ARGFX: variants seen among roughly 807,000 people sequenced by gnomAD.
ARGFX encodes arginine-fifty homeobox.
Under a neutral mutation model 8.0 loss-of-function variants are expected in ARGFX, and 10 were observed. The observed-to-expected ratio is 1.25, with a 90% CI of 0.77 to 2.12. The LOEUF (loss-of-function observed/expected upper bound fraction) is 2.12. Among genes scored for constraint, ARGFX ranks in the 30% most tolerant of loss-of-function variants. The pLI is 0.00. For missense variants in ARGFX, 282 were observed against 324.3 expected (o/e 0.87, Z 1.00); for synonymous variants, 116 against 117.8 (o/e 0.98, Z 0.10).
Position 121,586,332 on chromosome 3 carries a change from T to C in ARGFX, c.680T>C (p.Ile227Thr), listed in dbSNP as rs981738715. ...GCTTTGTACTCTGATGCCTATGACATATTCCAAATCATAGAACTGTACAAT... is the reference window on the plus strand; with the variant it reads ...GCTTTGTACTCTGATGCCTATGACACATTCCAAATCATAGAACTGTACAAT... ...VPALYSDAYD[I>T]FQIIELYNLP... Residue 227 changes from isoleucine (I) to threonine (T), a missense_variant, in exon 5 of 5, where the codon ATA (isoleucine) becomes ACA (threonine). Physicochemically the swap from Ile to Thr is moderately conservative, Grantham distance 89. Transcript: ENST00000334384. 9.3e-6 allele frequency: 15 copies of C among 1,614,218 alleles called. No homozygotes were observed. The highest frequency in any genetic ancestry group is 2.2e-5 in the East Asian group (1 of 44,888).
chr3:121,568,089 G>A (rs1485536035), intron 1 of ARGFX, among the ~76,000 whole-genome samples, 76 bp downstream of exon 1: 1 of 152,020 alleles, frequency 6.6e-6, no homozygotes, highest in Non-Finnish European at 1.5e-5. Flanking sequence ...AAAATCAAAG[G>A]AGCAATATTA....
chr3:121,570,957 G>T lies in ARGFX; in HGVS notation c.103+141G>T, dbSNP rs568820336. ...TTCAAAAAGTCTTCCCATCATAAAA[G>T]GAGAAATACATTTCAAATCAAATGG... On this transcript the variant is annotated intron_variant, in intron 2 of 4. Transcript: ENST00000334384. 44 of 563,832 alleles carry T rather than the reference G, an allele frequency of 7.8e-5. No individual in the cohort carries two copies. The East Asian group carries it at 1.4e-3, about 18-fold the overall frequency. 34.9% of individuals were successfully genotyped at this position (563,832 alleles called of 1,614,324 possible).
At chr3:121,575,358 G>C (rs1301658924) in intron 2 of ARGFX, among the ~76,000 whole-genome samples, 3 of 152,052 alleles carry the variant, frequency 2.0e-5, no homozygotes, top group Non-Finnish European at 2.9e-5. Context: ...CTACAAGCCA[G>C]CTGGCCATTT....
In ARGFX at chr3:121,576,769, C is replaced by CT; in HGVS notation, c.104-8dup. 3.3e-6 allele frequency: 1 copy of CT among 298,672 alleles called. No individual in the cohort carries two copies. The highest frequency in any genetic ancestry group is 6.5e-6 in the Non-Finnish European group (1 of 153,762). The allele number at this position is 298,672 out of a possible 1,614,324, so 18.5% of individuals were successfully genotyped here. A position where few individuals can be genotyped will look rare whatever the true frequency, so the allele number is the denominator to read the frequency against. On this transcript the variant is annotated splice_polypyrimidine_tract_variant and intron_variant, in intron 2 of 4. Transcript: ENST00000334384. ...TTTTTCTCTTTCTTTCTTTCCTTTT[C>CT]TTTTTTTGAGACAGGTTTCACTCTG... is the stretch of plus-strand genomic sequence containing the variant.
At chr3:121,580,091 T>A (rs2048769229) in intron 3 of ARGFX, among the ~76,000 whole-genome samples, 1 of 151,654 alleles carries the variant, frequency 6.6e-6, no homozygotes, top group Admixed American at 6.6e-5. Flanking sequence ...TAGCTGGGAA[T>A]ACAGGTGCGT....
chr3:121,575,796 T>C (rs1011640364), intron 2 of ARGFX, among the ~76,000 whole-genome samples: 8 of 152,054 alleles, frequency 5.3e-5, no homozygotes, highest in Admixed American at 6.6e-5. Context: ...GCCTGTAGTC[T>C]CAGCTACTTG....
chr3:121,568,150 G>A (rs1560118007), intron 1 of ARGFX, among the ~76,000 whole-genome samples, 137 bp downstream of exon 1: 1 of 152,132 alleles, frequency 6.6e-6, no homozygotes, highest in Non-Finnish European at 1.5e-5. Context: ...TGATATAGAT[G>A]GTTGGGGACA....
Position 121,586,360 on chromosome 3 carries a change from T to G in ARGFX, c.708T>G (p.Leu236=), listed in dbSNP as rs1425119995. 1 of 1,614,094 alleles carries G rather than the reference T, an allele frequency of 6.2e-7. No individual in the cohort carries two copies. Among genetic ancestry groups the G allele is most frequent in the Non-Finnish European group, 8.5e-7 (1 of 1,180,038 alleles). The change falls in exon 5 of 5, where the codon CTT becomes CTG. Residue 236 remains leucine (L), a synonymous_variant. Coordinates refer to ENST00000334384, the MANE Select transcript of ARGFX (RefSeq NM_001012659.2). ...TCCAAATCATAGAACTGTACAATCT[T>G]CCTGATGAGAATGAGATATCCAGCT... ...DIFQIIELYN[L]PDENEISSSS...
chr3:121,568,275 T>C (rs2048685358), intron 1 of ARGFX, among the ~76,000 whole-genome samples: 1 of 152,182 alleles, frequency 6.6e-6, no homozygotes, highest in African/African-American at 2.4e-5. Flanking sequence ...ACTTTCTCCA[T>C]CTGTGTTAGC....
intron 1 of ARGFX, among the ~76,000 whole-genome samples, chr3:121,568,537 G>A (rs2048687071): frequency 6.6e-6 from 1 of 152,176 alleles, no homozygotes; most frequent in African/African-American, 2.4e-5. Flanking sequence ...GCTAGTTTAA[G>A]CTACAGACTC....
intron 3 of ARGFX, among the ~76,000 whole-genome samples, chr3:121,579,508 C>T (rs751590944): frequency 6.6e-5 from 10 of 152,172 alleles, no homozygotes; most frequent in Non-Finnish European, 1.3e-4. Flanking sequence ...GTCCTTGATA[C>T]CACAGGACCA....
At chr3:121,579,935 CTTTTCTTTTCTT>C (rs377446963) in intron 3 of ARGFX, among the ~76,000 whole-genome samples, 1 of 54,244 alleles carries the variant, frequency 1.8e-5, no homozygotes, top group Non-Finnish European at 3.7e-5. Flanking sequence ...TTTTTCTTTT[CTTTTCTTTTCTT>C]TTTTTTTTTT....
At chr3:121,579,302 A>G (rs2048763283) in intron 3 of ARGFX, among the ~76,000 whole-genome samples, 1 of 152,234 alleles carries the variant, frequency 6.6e-6, no homozygotes. Context: ...CACAAAGTAT[A>G]TCCTGGTTCC....
chr3:121,576,304 A>G (rs1327208035), intron 2 of ARGFX, among the ~76,000 whole-genome samples: 1 of 152,128 alleles, frequency 6.6e-6, no homozygotes, highest in Non-Finnish European at 1.5e-5. Flanking sequence ...TGGATGGTCC[A>G]GTGGCTAAAG....
rs995783079 is a variant in ARGFX at position 121,587,591 on chromosome 3, G to C, written c.*991G>C. Among the ~76,000 whole-genome samples, 8 of 152,178 alleles carry C rather than the reference G, an allele frequency of 5.3e-5. No homozygotes were observed. Among genetic ancestry groups the C allele is most frequent in the African/African-American group, 1.9e-4 (8 of 41,452 alleles). On this transcript the variant is annotated 3_prime_UTR_variant, in exon 5 of 5. Coordinates refer to ENST00000334384, the MANE Select transcript of ARGFX (RefSeq NM_001012659.2). Reference sequence around the variant, plus strand: ...ATTTTAGTATATGTGTTGTGGAAGTGAGTACACTATCATCCACTTTTAATG... The same window carrying C: ...ATTTTAGTATATGTGTTGTGGAAGTCAGTACACTATCATCCACTTTTAATG...
At position 121,587,598 on chromosome 3, in the gene ARGFX, C is replaced by A. The variant is rs1206692271; in HGVS notation, c.*998C>A. 1.3e-5 allele frequency among the ~76,000 whole-genome samples: 2 copies of A among 152,168 alleles called. No individual in the cohort carries two copies. The highest frequency in any genetic ancestry group is 2.4e-5 in the African/African-American group (1 of 41,438). On this transcript the variant is annotated 3_prime_UTR_variant, in exon 5 of 5. Coordinates refer to ENST00000334384, the MANE Select transcript of ARGFX (RefSeq NM_001012659.2). Reference sequence around the variant, plus strand: ...TATATGTGTTGTGGAAGTGAGTACACTATCATCCACTTTTAATGACAGAAA... The same window carrying A: ...TATATGTGTTGTGGAAGTGAGTACAATATCATCCACTTTTAATGACAGAAA...
intron 1 of ARGFX, among the ~76,000 whole-genome samples, chr3:121,568,711 G>A (rs915078974): frequency 2.0e-5 from 3 of 152,196 alleles, no homozygotes; most frequent in African/African-American, 7.2e-5. Context: ...ATTACCCCAT[G>A]TGTTTGTCGA....
intron 3 of ARGFX, among the ~76,000 whole-genome samples, chr3:121,582,295 T>G (rs1394264084): frequency 1.3e-5 from 2 of 152,104 alleles, no homozygotes; most frequent in Non-Finnish European, 2.9e-5. Flanking sequence ...TCCAGAAATA[T>G]TGTATCACAA....
chr3:121,581,283 T>A (rs2048778587), intron 3 of ARGFX, among the ~76,000 whole-genome samples: 1 of 152,220 alleles, frequency 6.6e-6, no homozygotes, highest in Admixed American at 6.5e-5. Context: ...CTTCTAACTT[T>A]ACTTTTAATA....
Sources: gnomAD v4.1 joint callset for allele counts (sites outside exome capture counted in the v4.1 genomes callset) on GRCh38, gnomAD v4.1.1 for gene constraint, MANE v1.5 for transcripts, NCBI Gene and HGNC (gene_info 2026-07-23, HGNC 2026-07-21) for gene names.